The following SPATA17 variants were observed in gnomAD, a reference collection of about 807,000 sequenced individuals.
The protein encoded by SPATA17 is spermatogenesis associated 17.
Under a neutral mutation model 62.2 loss-of-function variants are expected in SPATA17, and 53 were observed. The ratio of observed to expected loss-of-function variants is 0.85; its 90% CI spans 0.68 to 1.07. SPATA17 has a LOEUF of 1.07. Ranked by LOEUF, SPATA17 falls within the 50% of genes least tolerant of loss-of-function variation. SPATA17 has a pLI of 0.00. For missense variants in SPATA17, 466 were observed against 425.5 expected, an observed-to-expected ratio of 1.10 and a Z score of -0.84; for synonymous variants, 146 against 146.8, an observed-to-expected ratio of 0.99 and a Z score of 0.04.
At chr1:217,702,354 TTTG>T (rs1671618482) in intron 5 of SPATA17, among the ~76,000 whole-genome samples, 1 of 152,154 alleles carries the variant, frequency 6.6e-6, no homozygotes, top group South Asian at 2.1e-4. Context: ...AATCATCTTT[TTTG>T]TTGTTGTTGC....
chr1:217,774,405 G>A lies in SPATA17; in HGVS notation c.591G>A (p.Lys197=). Residue 197 remains lysine, a synonymous_variant, in exon 7 of 11, where the codon AAG becomes AAA. Coordinates refer to ENST00000366933, the MANE Select transcript of SPATA17 (RefSeq NM_138796.4). The part of the protein sequence containing the change: ...DPWELQLQKA[K]PLTHRRPKVK... ...GGGAGCTGCAATTACAGAAGGCAAAGCCTTTAACACACCGAAGACCTAAAG... is the reference window on the plus strand; with the variant it reads ...GGGAGCTGCAATTACAGAAGGCAAAACCTTTAACACACCGAAGACCTAAAG... The A allele has an allele frequency of 1.2e-6, 2 of 1,614,010 alleles. No homozygotes were observed. Among genetic ancestry groups the A allele is most frequent in the Non-Finnish European group, 1.7e-6 (2 of 1,179,970 alleles).
At chr1:217,775,294 G>T (rs1673558761) in intron 7 of SPATA17, among the ~76,000 whole-genome samples, 1 of 152,072 alleles carries the variant, frequency 6.6e-6, no homozygotes, top group Admixed American at 6.6e-5. Context: ...TTTTGATGTT[G>T]AGTTTTAGGA....
chr1:217,706,059 T>C (rs1281686879), intron 5 of SPATA17, among the ~76,000 whole-genome samples: 1 of 152,200 alleles, frequency 6.6e-6, no homozygotes, highest in Non-Finnish European at 1.5e-5. Context: ...TTCAGTTCCA[T>C]TGGCATATGT....
rs971211176 is a variant in SPATA17 at position 217,774,458 on chromosome 1, C to A, written c.644C>A (p.Thr215Asn). 1 of 1,614,140 alleles carries A rather than the reference C, an allele frequency of 6.2e-7. No homozygotes were observed. Among genetic ancestry groups the A allele is most frequent in the Middle Eastern group, 1.6e-4 (1 of 6,062 alleles). ...AAGCAGAAGGACTCCACCAGCCTTA[C>A]TGATTGGCTAGCTTGTACAAGCGCC... ...KVKQKDSTSL[T>N]DWLACTSARS... Residue 215 changes from threonine (T) to asparagine (N), a missense_variant, in exon 7 of 11, where the codon ACT becomes AAT. Thr to Asn is a moderately conservative substitution (Grantham distance 65, BLOSUM62 0). Coordinates refer to ENST00000366933, the MANE Select transcript of SPATA17 (RefSeq NM_138796.4).
At position 217,787,652 on chromosome 1, in the gene SPATA17, T is replaced by C. The variant is rs1416487757; in HGVS notation, c.872+5330T>C. 2.6e-5 allele frequency among the ~76,000 whole-genome samples: 4 copies of C among 152,324 alleles called. No individual in the cohort carries two copies. In the East Asian group the frequency reaches 7.7e-4, roughly 29 times the overall value. ...AACACTATTAACTGATCCTCAGTTA[T>C]GTTTTCCAGGGGTATCTATTGTCAA... On this transcript the variant is annotated intron_variant, in intron 8 of 10. Transcript: ENST00000366933.
Position 217,773,494 on chromosome 1 carries a change from A to G in SPATA17, c.520-840A>G, listed in dbSNP as rs545805582. On this transcript the variant is annotated intron_variant, in intron 6 of 10. Transcript: ENST00000366933. ...GTATCTAATACCATTAAAATATAAT[A>G]CCATCAAAATTTCGTTCTATGCAGT... Among the ~76,000 whole-genome samples the G allele has an allele frequency of 1.9e-4, 29 of 152,292 alleles. 1 individual carries two copies. In the South Asian group the frequency reaches 6.0e-3, roughly 32 times the overall value.
At chr1:217,801,560 C>T (rs1674312690) in intron 8 of SPATA17, among the ~76,000 whole-genome samples, 158 bp from the exon 9 acceptor site, 1 of 152,138 alleles carries the variant, frequency 6.6e-6, no homozygotes, top group Admixed American at 6.6e-5. Context: ...GTAATTAACA[C>T]AGATAATCAG....
At chr1:217,764,778 A>G (rs1371168073) in intron 6 of SPATA17, among the ~76,000 whole-genome samples, 1 of 152,116 alleles carries the variant, frequency 6.6e-6, no homozygotes, top group African/African-American at 2.4e-5. Flanking sequence ...GTTGGTATAT[A>G]ATGATATTCC....
chr1:217,794,427 T>G (rs17675661), intron 8 of SPATA17, among the ~76,000 whole-genome samples: 4,780 of 152,300 alleles, frequency 0.031, 106 homozygotes, highest in Middle Eastern at 0.061. Context: ...TTAATTTATC[T>G]TGTCAGGGAC....
At chr1:217,720,434 GTTC>G (rs1374458511) in intron 5 of SPATA17, among the ~76,000 whole-genome samples, 5 of 152,094 alleles carry the variant, frequency 3.3e-5, no homozygotes, top group African/African-American at 9.7e-5. Flanking sequence ...AGATCTGCTA[GTTC>G]TTCTTCCATT....
intron 5 of SPATA17, among the ~76,000 whole-genome samples, chr1:217,696,614 A>C (rs1671467673): frequency 6.6e-6 from 1 of 152,224 alleles, no homozygotes; most frequent in South Asian, 2.1e-4. Flanking sequence ...TAAAATATTG[A>C]AATAATCAAA....
intron 3 of SPATA17, among the ~76,000 whole-genome samples, chr1:217,655,473 G>A (rs189619810): frequency 1.2e-4 from 18 of 152,224 alleles, no homozygotes; most frequent in Admixed American, 9.8e-4. Context: ...TGTCTCTCAT[G>A]AGGGGATATT....
At position 217,869,429 on chromosome 1, in the gene SPATA17, G is replaced by A. The variant is rs998992171; in HGVS notation, c.*2410G>A. On this transcript the variant is annotated 3_prime_UTR_variant, in exon 11 of 11. Coordinates refer to ENST00000366933, the MANE Select transcript of SPATA17 (RefSeq NM_138796.4). Reference sequence around the variant, plus strand: ...AATGTTTCTTATCTGACTTAAAAAGGTGTCAGACTCTTAGTAAATTATCTC... The same window carrying A: ...AATGTTTCTTATCTGACTTAAAAAGATGTCAGACTCTTAGTAAATTATCTC... 2 of 152,130 alleles carry A rather than the reference G, an allele frequency of 1.3e-5. No individual in the cohort carries two copies. The highest frequency in any genetic ancestry group is 2.9e-5 in the Non-Finnish European group (2 of 68,022). The allele number at this position is 152,130 out of a possible 1,614,324, so 9.4% of individuals were successfully genotyped here.
At chr1:217,705,103 G>T (rs1671701830) in intron 5 of SPATA17, among the ~76,000 whole-genome samples, 1 of 152,216 alleles carries the variant, frequency 6.6e-6, no homozygotes, top group African/African-American at 2.4e-5. Flanking sequence ...ATTCTGATTG[G>T]TGTGAGATAG....
intron 3 of SPATA17, among the ~76,000 whole-genome samples, chr1:217,663,843 T>C (rs923427425): frequency 6.6e-6 from 1 of 152,140 alleles, no homozygotes; most frequent in African/African-American, 2.4e-5. Flanking sequence ...ATTTTCTTGG[T>C]TTTCAACCAA....
chr1:217,770,083 G>A (rs1047219871), intron 6 of SPATA17, among the ~76,000 whole-genome samples: 9 of 152,034 alleles, frequency 5.9e-5, no homozygotes, highest in Non-Finnish European at 1.5e-5. Flanking sequence ...ACAGTTCTTT[G>A]GCCACTTGTA....
At chr1:217,689,916 T>A (rs1320247269) in intron 5 of SPATA17, among the ~76,000 whole-genome samples, 2 of 152,064 alleles carry the variant, frequency 1.3e-5, no homozygotes, top group Non-Finnish European at 2.9e-5. Context: ...TCTTTTTTTT[T>A]TTTTGAGACA....
chr1:217,834,795 GA>G (rs1438140825), intron 9 of SPATA17, among the ~76,000 whole-genome samples: 1 of 152,022 alleles, frequency 6.6e-6, no homozygotes, highest in Non-Finnish European at 1.5e-5. Context: ...GTTTATATAT[GA>G]AGTCTACGTT....
intron 1 of SPATA17, among the ~76,000 whole-genome samples, chr1:217,635,654 A>G (rs1330870553): frequency 6.6e-6 from 1 of 152,014 alleles, no homozygotes; most frequent in African/African-American, 2.4e-5. Context: ...AAGTGAGCCA[A>G]GGTCGGACCA....
Sources: gnomAD v4.1 joint callset for allele counts (sites outside exome capture counted in the v4.1 genomes callset) on GRCh38, gnomAD v4.1.1 for gene constraint, MANE v1.5 for transcripts, NCBI Gene and HGNC (gene_info 2026-07-23, HGNC 2026-07-21) for gene names.